Variants in NHSL1 observed in about 807,000 individuals in gnomAD.
NHSL1 encodes NHS-like protein 1.
Under a neutral mutation model 95.0 loss-of-function variants are expected in NHSL1, and 48 were observed. That is an observed-to-expected ratio of 0.51 (90% CI 0.40 to 0.64). The LOEUF (loss-of-function observed/expected upper bound fraction) is 0.64. Ranked by LOEUF, NHSL1 falls within the 30% of genes least tolerant of loss-of-function variation. NHSL1 has a pLI of 0.00. For missense variants in NHSL1, 1,971 were observed against 2,077.7 expected, an observed-to-expected ratio of 0.95 and a Z score of 1.00; for synonymous variants, 783 against 833.9, an observed-to-expected ratio of 0.94 and a Z score of 1.05.
chr6:138,523,680 A>ACAGG (rs1781787744), intron 1 of NHSL1, among the ~76,000 whole-genome samples: 1 of 151,510 alleles, frequency 6.6e-6, no homozygotes, highest in Admixed American at 6.6e-5. Context: ...GGAATAGAAG[A>ACAGG]CAGGAGACTG....
intron 1 of NHSL1, among the ~76,000 whole-genome samples, chr6:138,608,872 A>G (rs916575953): frequency 3.3e-5 from 5 of 152,192 alleles, no homozygotes; most frequent in Non-Finnish European, 5.9e-5. Flanking sequence ...TAAACACAGG[A>G]AAGACATTTA....
chr6:138,640,703 G>A (rs1784948674), intron 1 of NHSL1, among the ~76,000 whole-genome samples: 1 of 152,204 alleles, frequency 6.6e-6, no homozygotes, highest in African/African-American at 2.4e-5. Context: ...GTCAACAGAA[G>A]GTCATTAGTA....
chr6:138,685,319 T>G (rs2114795115), intron 1 of NHSL1, among the ~76,000 whole-genome samples: 1 of 152,318 alleles, frequency 6.6e-6, no homozygotes, highest in East Asian at 1.9e-4. Flanking sequence ...AAGGATATAC[T>G]CTCATAATTC....
intron 5 of NHSL1, among the ~76,000 whole-genome samples, chr6:138,437,302 A>G (rs1211475857): frequency 1.7e-4 from 13 of 75,934 alleles, no homozygotes; most frequent in East Asian, 4.7e-4. Context: ...AAATGTATAT[A>G]TATATATATA....
intron 1 of NHSL1, among the ~76,000 whole-genome samples, chr6:138,590,332 A>G (rs1784206725): frequency 6.6e-6 from 1 of 152,106 alleles, no homozygotes; most frequent in Non-Finnish European, 1.5e-5. Context: ...GGTTATTCCA[A>G]ACCTTTAGGT....
intron 1 of NHSL1, among the ~76,000 whole-genome samples, chr6:138,520,280 CTTTTTTTTTT>C (rs397888767): frequency 2.5e-4 from 20 of 80,942 alleles, no homozygotes; most frequent in African/African-American, 8.8e-4. Flanking sequence ...TAGTTTAATT[CTTTTTTTTTT>C]TTTTTTTTTT....
rs529330273 is a variant in NHSL1, at chr6:138,508,566, C to T, written c.17-12195G>A. Reference sequence around the variant, plus strand: ...ATACCCCATCTTGTGGTCCAGTTTTCAATTCCATGTGCTACTTGCTGCCTT... The same window carrying T: ...ATACCCCATCTTGTGGTCCAGTTTTTAATTCCATGTGCTACTTGCTGCCTT... On this transcript the variant is annotated intron_variant, in intron 1 of 4. Coordinates refer to the NHSL1 transcript ENST00000342260. Among the ~76,000 whole-genome samples, 16 of 152,304 alleles carry T rather than the reference C, an allele frequency of 1.1e-4. No individual in the cohort carries two copies. In the East Asian group the frequency reaches 3.1e-3, roughly 29 times the overall value.
At chr6:138,621,700 C>T (rs1784666459) in intron 1 of NHSL1, among the ~76,000 whole-genome samples, 1 of 152,126 alleles carries the variant, frequency 6.6e-6, no homozygotes, top group Non-Finnish European at 1.5e-5. Context: ...CAACTCCTGA[C>T]CTCATGATCT....
At chr6:138,636,182 A>G (rs927847606) in intron 1 of NHSL1, among the ~76,000 whole-genome samples, 2 of 151,942 alleles carry the variant, frequency 1.3e-5, no homozygotes, top group Non-Finnish European at 2.9e-5. Flanking sequence ...GGTCATTTCA[A>G]TTGATGCTGA....
intron 2 of NHSL1, among the ~76,000 whole-genome samples, chr6:138,490,840 G>A (rs567367743): frequency 1.3e-5 from 2 of 152,248 alleles, no homozygotes; most frequent in South Asian, 4.2e-4. Context: ...CACCATGTTG[G>A]CCAGGATGGT....
chr6:138,515,328 A>G (rs896944478), intron 1 of NHSL1, among the ~76,000 whole-genome samples: 2 of 152,208 alleles, frequency 1.3e-5, no homozygotes, highest in Non-Finnish European at 2.9e-5. Flanking sequence ...TCATTCACAG[A>G]AATCAGTTCA....
At chr6:138,677,929 TG>T (rs1408779774) in intron 1 of NHSL1, among the ~76,000 whole-genome samples, 1 of 152,138 alleles carries the variant, frequency 6.6e-6, no homozygotes, top group African/African-American at 2.4e-5. Flanking sequence ...GAACCACTGA[TG>T]TAAGTTAAGG....
chr6:138,661,757 G>GA lies in NHSL1; in HGVS notation c.96+30718dup, dbSNP rs1785230193. Among the ~76,000 whole-genome samples, 3 of 152,088 alleles carry GA rather than the reference G, an allele frequency of 2.0e-5. No homozygotes were observed. In the South Asian group the frequency reaches 6.2e-4, roughly 32 times the overall value. ...TATAGAATGAAGTAAATCTAAGCAG[G>GA]AAAAAGATTCTTTAATAATTTCAGC... On this transcript the variant is annotated intron_variant, in intron 1 of 3. Coordinates refer to the NHSL1 transcript ENST00000491526.
intron 3 of NHSL1, among the ~76,000 whole-genome samples, chr6:138,470,197 G>T (rs1778661718): frequency 6.6e-6 from 1 of 152,010 alleles, no homozygotes; most frequent in Admixed American, 6.6e-5. Context: ...ACTTATTTAA[G>T]AAAAGGAAAA....
chr6:138,551,143 T>C (rs563696261), intron 1 of NHSL1, among the ~76,000 whole-genome samples: 1 of 152,364 alleles, frequency 6.6e-6, no homozygotes, highest in African/African-American at 2.4e-5. Context: ...AATCTCTTAC[T>C]GTGCCTAATT....
chr6:138,592,847 A>G, intron 1 of NHSL1, among the ~76,000 whole-genome samples: 1 of 152,192 alleles, frequency 6.6e-6, no homozygotes, highest in East Asian at 1.9e-4. Context: ...TTTTGCCTGT[A>G]GACAATAATT....
In NHSL1 at chr6:138,653,426, T is replaced by G. The variant is rs555544924; in HGVS notation, c.96+39050A>C. On this transcript the variant is annotated intron_variant, in intron 1 of 3. Coordinates refer to the NHSL1 transcript ENST00000491526. ...AAAACTAGCCAGGCGTAGTGGCATG[T>G]GCCTGTAATCCCAGATATGCGGGAG... is the stretch of plus-strand genomic sequence containing the variant. Among the ~76,000 whole-genome samples the G allele has an allele frequency of 2.0e-5, 3 of 152,106 alleles. 1 individual carries two copies. In the South Asian group the frequency reaches 6.2e-4, roughly 32 times the overall value.
chr6:138,499,158 CAGA>C (rs1780533018), intron 1 of NHSL1, 72 bp downstream of exon 1: 9 of 487,758 alleles, frequency 1.8e-5, no homozygotes, highest in Non-Finnish European at 2.9e-5. Context: ...CACACACACA[CAGA>C]CACACAGGGA....
intron 5 of NHSL1, among the ~76,000 whole-genome samples, chr6:138,439,625 C>T (rs1776401388): frequency 6.6e-6 from 1 of 152,220 alleles, no homozygotes; most frequent in South Asian, 2.1e-4. Context: ...ACTAGCCTAT[C>T]TATAAAACCA....
Sources: gnomAD v4.1 joint callset for allele counts (sites outside exome capture counted in the v4.1 genomes callset) on GRCh38, gnomAD v4.1.1 for gene constraint, MANE v1.5 for transcripts, NCBI Gene and HGNC (gene_info 2026-07-23, HGNC 2026-07-21) for gene names.